KAT2B: variants seen among roughly 807,000 people sequenced by gnomAD.
The protein encoded by KAT2B is histone acetyltransferase KAT2B.
A neutral mutation model predicts 105.9 loss-of-function variants in KAT2B; 36 were observed. The ratio of observed to expected loss-of-function variants is 0.34; its 90% CI spans 0.26 to 0.45. KAT2B has a LOEUF of 0.45. KAT2B is among the 20% of genes least tolerant of loss of function. The pLI is 1.00. For synonymous variants in KAT2B, 397 were observed against 377.9 expected, an observed-to-expected ratio of 1.05 and a Z score of -0.59; for missense variants, 820 against 1,021.6, an observed-to-expected ratio of 0.80 and a Z score of 2.69.
chr3:20,069,529 CT>C (rs754535544), intron 1 of KAT2B, among the ~76,000 whole-genome samples: 178 of 81,482 alleles, frequency 2.2e-3, no homozygotes, highest in Middle Eastern at 5.0e-3. Context: ...CTTTTCTTTT[CT>C]TTTTTTTTTT....
intron 1 of KAT2B, among the ~76,000 whole-genome samples, chr3:20,044,197 T>G (rs1432982348): frequency 1.3e-5 from 2 of 152,068 alleles, no homozygotes; most frequent in East Asian, 3.8e-4. Flanking sequence ...AATGTAGATC[T>G]AGGCCAGGCG....
chr3:20,131,116 G>A lies in KAT2B; in HGVS notation c.1749+3567G>A, dbSNP rs111411607. 9.3e-3 allele frequency among the ~76,000 whole-genome samples: 1,379 copies of A among 147,646 alleles called. 30 individuals carry two copies. The highest frequency in any genetic ancestry group is 0.033 in the African/African-American group (1,317 of 40,198). ...CTGCAAACTCCGCCTCCTGGGTTCTGGTGATTCTCCTGCCTCAGCCTCCCG... is the reference window on the plus strand; with the variant it reads ...CTGCAAACTCCGCCTCCTGGGTTCTAGTGATTCTCCTGCCTCAGCCTCCCG... On this transcript the variant is annotated intron_variant, in intron 11 of 17. Coordinates refer to ENST00000263754, the MANE Select transcript of KAT2B (RefSeq NM_003884.5).
intron 14 of KAT2B, among the ~76,000 whole-genome samples, chr3:20,146,779 A>G (rs557146634): frequency 4.4e-4 from 67 of 152,322 alleles, no homozygotes; most frequent in African/African-American, 1.6e-3. Flanking sequence ...CAGTTAGATC[A>G]TTTACTGTTA....
intron 13 of KAT2B, among the ~76,000 whole-genome samples, chr3:20,142,292 A>C (rs1411729675): frequency 6.6e-6 from 1 of 151,984 alleles, no homozygotes; most frequent in Admixed American, 6.6e-5. Context: ...CTTCCCTCAC[A>C]CATTCCGTTG....
intron 5 of KAT2B, among the ~76,000 whole-genome samples, chr3:20,104,389 T>C (rs1575135654): frequency 6.6e-6 from 1 of 152,090 alleles, no homozygotes; most frequent in African/African-American, 2.4e-5. Context: ...TCACGTCATG[T>C]TGATGAGGAA....
chr3:20,144,290 T>C (rs901032722), intron 13 of KAT2B, among the ~76,000 whole-genome samples: 3 of 64,840 alleles, frequency 4.6e-5, no homozygotes, highest in African/African-American at 1.3e-4. Flanking sequence ...TTTTTTTTTT[T>C]TTTTTTTTTT....
chr3:20,127,560 A>T lies in KAT2B; in HGVS notation c.1749+11A>T. The T allele has an allele frequency of 6.2e-7, 1 of 1,612,742 alleles. No homozygotes were observed. Among genetic ancestry groups the T allele is most frequent in the Non-Finnish European group, 8.5e-7 (1 of 1,179,218 alleles). On this transcript the variant is annotated intron_variant, in intron 11 of 17. Coordinates refer to ENST00000263754, the MANE Select transcript of KAT2B (RefSeq NM_003884.5). ...AATGAGCAAGTCAAGGTAAGGGTAA[A>T]CCCAAGGTCTTAGAAGAAGAGCAGA... is the stretch of plus-strand genomic sequence containing the variant.
At chr3:20,134,775 T>C (rs1699572769) in intron 11 of KAT2B, among the ~76,000 whole-genome samples, 1 of 152,142 alleles carries the variant, frequency 6.6e-6, no homozygotes, top group South Asian at 2.1e-4. Flanking sequence ...ATAACAGGAA[T>C]GTAATGCAGG....
chr3:20,057,989 A>G (rs1698029744), intron 1 of KAT2B, among the ~76,000 whole-genome samples: 1 of 152,324 alleles, frequency 6.6e-6, no homozygotes, highest in South Asian at 2.1e-4. Flanking sequence ...TGGAGTAACC[A>G]TGGAGAGCAT....
chr3:20,059,412 CAAAAAAAA>C (rs34763319), intron 1 of KAT2B, among the ~76,000 whole-genome samples: 2 of 38,336 alleles, frequency 5.2e-5, no homozygotes, highest in African/African-American at 1.1e-4. Flanking sequence ...GACTCTGTCT[CAAAAAAAA>C]AAAAAAAAAA....
intron 8 of KAT2B, 96 bp downstream of exon 8, chr3:20,119,819 T>C (rs1319790370): frequency 7.5e-7 from 1 of 1,336,532 alleles, no homozygotes; most frequent in East Asian, 2.4e-5. Flanking sequence ...CAAGTACAGA[T>C]TGTGCATGTC....
chr3:20,126,195 A>G, intron 10 of KAT2B, 82 bp downstream of exon 10: 1 of 1,180,486 alleles, frequency 8.5e-7, no homozygotes, highest in East Asian at 2.6e-5. Flanking sequence ...AGTCAGCCAT[A>G]GTCATCCACC....
chr3:20,095,276 C>T lies in KAT2B; in HGVS notation c.444C>T (p.Ser148=), dbSNP rs1222447535. The change falls in exon 3 of 18, where the codon TCC becomes TCT. Residue 148 remains serine, a synonymous_variant. Coordinates refer to ENST00000263754, the MANE Select transcript of KAT2B (RefSeq NM_003884.5). ...SCSHALAAHV[S]HLENVSEEEM... is the part of the protein sequence containing the mutation. The stretch of plus-strand genomic sequence containing the variant: ...TCTTATCATAAGCTGCTCATGTTTC[C>T]CACCTGGAGAATGTGTCAGAGGAAG... The T allele has an allele frequency of 6.2e-7, 1 of 1,612,092 alleles. No homozygotes were observed. The highest frequency in any genetic ancestry group is 8.5e-7 in the Non-Finnish European group (1 of 1,178,732).
At chr3:20,059,704 CAAAACA>C (rs1180216303) in intron 1 of KAT2B, among the ~76,000 whole-genome samples, 1 of 151,920 alleles carries the variant, frequency 6.6e-6, no homozygotes, top group Non-Finnish European at 1.5e-5. Context: ...GACTCCATCT[CAAAACA>C]AAAACAAAAA....
intron 1 of KAT2B, among the ~76,000 whole-genome samples, chr3:20,053,003 G>A (rs551805950): frequency 6.6e-6 from 1 of 152,084 alleles, no homozygotes; most frequent in African/African-American, 2.4e-5. Flanking sequence ...GGAAACTAAG[G>A]TGCAGGGAGG....
chr3:20,045,230 C>T (rs1333806901), intron 1 of KAT2B, among the ~76,000 whole-genome samples: 2 of 152,016 alleles, frequency 1.3e-5, no homozygotes, highest in Non-Finnish European at 2.9e-5. Context: ...GTTTGCCAGG[C>T]TGGTTTCCAA....
At chr3:20,123,277 A>G (rs1699343924) in intron 9 of KAT2B, among the ~76,000 whole-genome samples, 1 of 152,032 alleles carries the variant, frequency 6.6e-6, no homozygotes, top group Admixed American at 6.6e-5. Context: ...ACCCCTAACT[A>G]TTTTTGCATG....
rs1378610066 is a variant in KAT2B, at chr3:20,152,936, A to G, written c.*411A>G. The G allele has an allele frequency of 6.5e-6, 1 of 154,670 alleles. No individual in the cohort carries two copies. Among genetic ancestry groups the G allele is most frequent in the Non-Finnish European group, 1.4e-5 (1 of 69,382 alleles). The allele number at this position is 154,670 out of a possible 1,614,324, so 9.6% of individuals were successfully genotyped here. A position where few individuals can be genotyped will look rare whatever the true frequency, so the allele number is the denominator to read the frequency against. ...TAATGGAATGTGAGAGTTTACTTTT[A>G]TTTTATTCTGAAGGACTTTAAGGAA... On this transcript the variant is annotated 3_prime_UTR_variant, in exon 18 of 18. Transcript: ENST00000263754.
At chr3:20,044,340 C>T (rs963777867) in intron 1 of KAT2B, among the ~76,000 whole-genome samples, 3 of 151,568 alleles carry the variant, frequency 2.0e-5, no homozygotes, top group Non-Finnish European at 4.4e-5. Context: ...ATTAACCAGG[C>T]GTGGTGGCAG....
Sources: allele counts gnomAD v4.1 joint callset (sites outside exome capture counted in the v4.1 genomes callset), GRCh38; gene constraint gnomAD v4.1.1; transcripts MANE v1.5; gene names NCBI Gene and HGNC (gene_info 2026-07-23, HGNC 2026-07-21).